PDSS2: variants seen among roughly 807,000 people sequenced by gnomAD.
PDSS2 encodes the protein decaprenyl diphosphate synthase subunit 2.
PDSS2 carries 31 observed loss-of-function variants against 44.5 expected under a neutral mutation model. That is an observed-to-expected ratio of 0.70 (90% CI 0.52 to 0.94). PDSS2 has a LOEUF of 0.94. PDSS2 is among the 40% of genes least tolerant of loss of function. The probability of loss-of-function intolerance (pLI) is 0.00; values close to 1 mark genes in which losing one functional copy is unlikely to be tolerated. For missense variants in PDSS2, 452 were observed against 482.2 expected, an observed-to-expected ratio of 0.94 and a Z score of 0.59; for synonymous variants, 157 against 180.3, an observed-to-expected ratio of 0.87 and a Z score of 1.03.
intron 3 of PDSS2, among the ~76,000 whole-genome samples, chr6:107,271,685 T>C (rs1236619185): frequency 2.0e-5 from 3 of 152,182 alleles, no homozygotes; most frequent in East Asian, 3.8e-4. Flanking sequence ...CTGTCCTTGA[T>C]TGGGAAGTGT....
At chr6:107,214,880 G>A (rs1208048433) in intron 4 of PDSS2, among the ~76,000 whole-genome samples, 2 of 152,136 alleles carry the variant, frequency 1.3e-5, no homozygotes, top group Non-Finnish European at 2.9e-5. Context: ...AGCTTTCCAA[G>A]TAACTGGGAT....
chr6:107,274,928 C>T (rs2114948582), intron 2 of PDSS2, among the ~76,000 whole-genome samples: 1 of 152,262 alleles, frequency 6.6e-6, no homozygotes, highest in Non-Finnish European at 1.5e-5. Context: ...CTGCCTCGGA[C>T]ACCCAAAGTG....
At chr6:107,216,297 A>T (rs890447837) in intron 4 of PDSS2, among the ~76,000 whole-genome samples, 2 of 151,886 alleles carry the variant, frequency 1.3e-5, no homozygotes, top group African/African-American at 4.8e-5. Context: ...ACATGGTGAA[A>T]CCCAGTCTCT....
At chr6:107,309,925 G>C (rs1312164672) in intron 2 of PDSS2, among the ~76,000 whole-genome samples, 3 of 152,070 alleles carry the variant, frequency 2.0e-5, no homozygotes, top group African/African-American at 7.2e-5. Context: ...AATACCACAG[G>C]CTGGGTGGCT....
intron 4 of PDSS2, among the ~76,000 whole-genome samples, chr6:107,225,342 T>G (rs1425962235): frequency 6.6e-6 from 1 of 150,746 alleles, no homozygotes; most frequent in Non-Finnish European, 1.5e-5. Flanking sequence ...CCGGCTAATT[T>G]TTGTATCACT....
intron 6 of PDSS2, among the ~76,000 whole-genome samples, chr6:107,194,188 A>G (rs1422749165): frequency 1.3e-5 from 2 of 152,208 alleles, no homozygotes; most frequent in East Asian, 1.9e-4. Context: ...TGAACTCACA[A>G]TAATGCCATA....
intron 3 of PDSS2, chr6:107,264,401 A>G: frequency 6.5e-7 from 1 of 1,548,186 alleles, no homozygotes; most frequent in Non-Finnish European, 8.7e-7. Context: ...GCTTAATAGA[A>G]CAACCTCCAG....
At chr6:107,185,936 A>G (rs1026325101) in intron 7 of PDSS2, among the ~76,000 whole-genome samples, 1 of 152,216 alleles carries the variant, frequency 6.6e-6, no homozygotes, top group Non-Finnish European at 1.5e-5. Flanking sequence ...CAAAAGTGTT[A>G]GCTTCCTGGT....
chr6:107,242,429 A>G (rs1377084228), intron 4 of PDSS2, among the ~76,000 whole-genome samples: 2 of 151,910 alleles, frequency 1.3e-5, no homozygotes, highest in African/African-American at 2.4e-5. Context: ...GTGCCCGCCT[A>G]ATTTTTTTAT....
At position 107,459,173 on chromosome 6, in the gene PDSS2, CAA is replaced by C. The variant is rs1452559699; in HGVS notation, c.111_112del (p.Trp38AlafsTer66). The C allele has an allele frequency of 6.2e-7, 1 of 1,614,100 alleles. No homozygotes were observed. Among genetic ancestry groups the C allele is most frequent in the Non-Finnish European group, 8.5e-7 (1 of 1,180,016 alleles). ...CGGGGACTTGGAGGACCGACCACGC[CAA>C]GAGCCCACCGAGGAGATGGTGTCGA... On this transcript the variant is annotated frameshift_variant, in exon 1 of 8. Transcript: ENST00000369037. LOFTEE classifies it high-confidence loss of function. The surrounding 1 kb of genome is among the most constrained non-coding windows in gnomAD (Gnocchi z 4.3).
In PDSS2 at chr6:107,153,932, A is replaced by G. The variant is rs1770793153; in HGVS notation, c.*687T>C. On this transcript the variant is annotated 3_prime_UTR_variant, in exon 8 of 8. Transcript: ENST00000369037. ...CTCTACTAAAAATACAAAATTAGCC[A>G]GGCGTGGTGGCAGGTGCCTGTAATT... 6.6e-6 allele frequency: 1 copy of G among 152,576 alleles called. No individual in the cohort carries two copies. The highest frequency in any genetic ancestry group is 1.5e-5 in the Non-Finnish European group (1 of 68,378). 9.5% of individuals were successfully genotyped at this position (152,576 alleles called of 1,614,324 possible).
rs1776399518 is a variant in PDSS2 at position 107,293,111 on chromosome 6, C to T, written c.432-18884G>A. ...TCCTGACATGAATTCCAATGAAAGC[C>T]CTCCGTACTCTACCACTGAGCTCTG... On this transcript the variant is annotated intron_variant, in intron 2 of 7. Coordinates refer to ENST00000369037, the MANE Select transcript of PDSS2 (RefSeq NM_020381.4). Among the ~76,000 whole-genome samples the T allele has an allele frequency of 2.0e-5, 3 of 152,236 alleles. No individual in the cohort carries two copies. The South Asian group carries it at 6.2e-4, about 32-fold the overall frequency.
At chr6:107,228,009 T>C (rs866538857) in intron 4 of PDSS2, among the ~76,000 whole-genome samples, 29 of 152,364 alleles carry the variant, frequency 1.9e-4, no homozygotes, top group Middle Eastern at 3.4e-3. Context: ...TGGCTTACTC[T>C]TGTCCTTTGA....
At chr6:107,391,346 T>C (rs1366757872) in intron 1 of PDSS2, among the ~76,000 whole-genome samples, 1 of 152,184 alleles carries the variant, frequency 6.6e-6, no homozygotes, top group Non-Finnish European at 1.5e-5. Context: ...GAAAACTGAC[T>C]AACCTCCTTC....
intron 1 of PDSS2, among the ~76,000 whole-genome samples, chr6:107,435,528 A>G (rs1056053763): frequency 8.5e-5 from 13 of 152,242 alleles, no homozygotes; most frequent in Non-Finnish European, 1.3e-4. Context: ...AAACTAAATG[A>G]CATTCCTTTT....
chr6:107,208,632 G>A (rs1465199417), intron 6 of PDSS2, among the ~76,000 whole-genome samples: 2 of 144,304 alleles, frequency 1.4e-5, no homozygotes, highest in African/African-American at 5.2e-5. Context: ...TTTTGGGGAC[G>A]GAGTTTAGCT....
intron 2 of PDSS2, among the ~76,000 whole-genome samples, chr6:107,310,570 A>G (rs1777012604): frequency 6.6e-6 from 1 of 152,172 alleles, no homozygotes; most frequent in South Asian, 2.1e-4. Flanking sequence ...GCGTCCAAAG[A>G]GAATCATTTA....
chr6:107,255,624 A>G (rs1774991888), intron 3 of PDSS2, among the ~76,000 whole-genome samples: 1 of 152,046 alleles, frequency 6.6e-6, no homozygotes, highest in Non-Finnish European at 1.5e-5. Flanking sequence ...ACAAACAAAA[A>G]GTATTGATAG....
intron 1 of PDSS2, among the ~76,000 whole-genome samples, chr6:107,421,247 T>C (rs1354678065): frequency 6.6e-6 from 1 of 152,202 alleles, no homozygotes; most frequent in Non-Finnish European, 1.5e-5. Context: ...AGTGGAAATG[T>C]AAAATAGTAC....
Sources: allele counts gnomAD v4.1 joint callset (sites outside exome capture counted in the v4.1 genomes callset), GRCh38; gene constraint gnomAD v4.1.1; non-coding constraint Gnocchi (gnomAD v3.1); transcripts MANE v1.5; gene names NCBI Gene and HGNC (gene_info 2026-07-23, HGNC 2026-07-21).